The following XRCC4 variants were observed in gnomAD, a reference collection of about 807,000 sequenced individuals.
The protein encoded by XRCC4 is X-ray repair cross complementing 4, also known as DNA repair protein XRCC4.
XRCC4 carries 28 observed loss-of-function variants against 39.1 expected under a neutral mutation model. The ratio of observed to expected loss-of-function variants is 0.72; its 90% CI spans 0.53 to 0.98. The LOEUF (loss-of-function observed/expected upper bound fraction) is 0.98. XRCC4 is among the 50% of genes least tolerant of loss of function. The pLI is 0.00. For synonymous variants in XRCC4, 123 were observed against 126.4 expected, an observed-to-expected ratio of 0.97 and a Z score of 0.18; for missense variants, 350 against 376.4, an observed-to-expected ratio of 0.93 and a Z score of 0.58.
chr5:83,287,670 T>G (rs776881131), intron 7 of XRCC4, among the ~76,000 whole-genome samples: 2 of 151,942 alleles, frequency 1.3e-5, no homozygotes, highest in African/African-American at 2.4e-5. Context: ...CGAAAATGTG[T>G]AATTTTTTTT....
Position 83,161,259 on chromosome 5 carries a change from C to G in XRCC4, c.316-34511C>G, listed in dbSNP as rs539629724. 2.6e-5 allele frequency among the ~76,000 whole-genome samples: 4 copies of G among 152,042 alleles called. No individual in the cohort carries two copies. The East Asian group carries it at 7.8e-4, about 29-fold the overall frequency. ...CCAAGTAGCTGGGATTATGGGCACC[C>G]ACCACCACACTTGGCTAAATGCTTT... On this transcript the variant is annotated intron_variant, in intron 3 of 7. Coordinates refer to ENST00000396027, the MANE Select transcript of XRCC4 (RefSeq NM_003401.5).
At chr5:83,192,730 C>T (rs1457432747) in intron 3 of XRCC4, among the ~76,000 whole-genome samples, 1 of 152,124 alleles carries the variant, frequency 6.6e-6, no homozygotes, top group African/African-American at 2.4e-5. Flanking sequence ...TCTGTGTACT[C>T]TTAATTATTA....
chr5:83,304,830 T>C (rs1755422419), intron 7 of XRCC4, among the ~76,000 whole-genome samples: 2 of 152,234 alleles, frequency 1.3e-5, no homozygotes, highest in South Asian at 4.1e-4. Context: ...AATTGGCTAG[T>C]ATATCTACCT....
intron 3 of XRCC4, among the ~76,000 whole-genome samples, chr5:83,147,507 A>G (rs1181066869): frequency 1.3e-5 from 2 of 152,106 alleles, no homozygotes; most frequent in African/African-American, 4.8e-5. Context: ...AAAAAGTTGA[A>G]CTCATGGAAG....
intron 6 of XRCC4, among the ~76,000 whole-genome samples, chr5:83,209,860 C>A (rs77757038): frequency 0.02 from 3,116 of 152,072 alleles, 87 homozygotes; most frequent in African/African-American, 0.069. Context: ...CCACTAAAAA[C>A]AAATATAATA....
At chr5:83,197,504 A>G (rs1165899855) in intron 4 of XRCC4, among the ~76,000 whole-genome samples, 1 of 152,164 alleles carries the variant, frequency 6.6e-6, no homozygotes, top group African/African-American at 2.4e-5. Flanking sequence ...AAGAGGTATT[A>G]TCTCATCAGT....
chr5:83,218,913 A>G (rs993423964), intron 6 of XRCC4, among the ~76,000 whole-genome samples: 9 of 150,800 alleles, frequency 6.0e-5, no homozygotes, highest in African/African-American at 1.0e-4. Context: ...TGAATATGTT[A>G]GTTTGCCAGG....
At chr5:83,084,467 G>A (rs1222428511) in intron 1 of XRCC4, among the ~76,000 whole-genome samples, 1 of 152,162 alleles carries the variant, frequency 6.6e-6, no homozygotes, top group East Asian at 1.9e-4. Context: ...TGAGATTTGT[G>A]TTGCCAAAAA....
chr5:83,271,548 C>T (rs1452551717), intron 7 of XRCC4, among the ~76,000 whole-genome samples: 1 of 152,086 alleles, frequency 6.6e-6, no homozygotes, highest in Non-Finnish European at 1.5e-5. Flanking sequence ...AGACATATTA[C>T]TTTAAATGAA....
chr5:83,214,324 T>G (rs1302142252), intron 6 of XRCC4, among the ~76,000 whole-genome samples: 5 of 152,200 alleles, frequency 3.3e-5, no homozygotes, highest in African/African-American at 4.8e-5. Context: ...TAAAAAACTC[T>G]TAGAGCTAAT....
chr5:83,245,755 G>T (rs1753076414), intron 6 of XRCC4, among the ~76,000 whole-genome samples: 1 of 152,000 alleles, frequency 6.6e-6, no homozygotes, highest in African/African-American at 2.4e-5. Context: ...GATCAGGGAA[G>T]ATAATACAGA....
At chr5:83,270,757 TCGAAAAAAAAAATATATACATATA>T (rs1409916857) in intron 7 of XRCC4, among the ~76,000 whole-genome samples, 3 of 142,318 alleles carry the variant, frequency 2.1e-5, no homozygotes, top group Non-Finnish European at 3.0e-5. Flanking sequence ...ATTCATTTTT[TCGAAAAAAAAAATATATACATATA>T]TATATGTATA....
At chr5:83,306,245 A>C (rs529908975) in intron 7 of XRCC4, among the ~76,000 whole-genome samples, 5 of 152,208 alleles carry the variant, frequency 3.3e-5, no homozygotes, top group Admixed American at 6.5e-5. Flanking sequence ...ACAGATATAC[A>C]TACATATTCA....
intron 3 of XRCC4, among the ~76,000 whole-genome samples, chr5:83,116,231 T>G (rs773123525): frequency 3.9e-5 from 6 of 152,172 alleles, no homozygotes; most frequent in Non-Finnish European, 7.4e-5. Context: ...AAAAATGACC[T>G]CCTAAACTTA....
At chr5:83,241,607 A>C (rs1246331100) in intron 6 of XRCC4, among the ~76,000 whole-genome samples, 1 of 152,162 alleles carries the variant, frequency 6.6e-6, no homozygotes, top group Non-Finnish European at 1.5e-5. Flanking sequence ...CTTTCAACCA[A>C]GTACAGTTGA....
intron 7 of XRCC4, among the ~76,000 whole-genome samples, chr5:83,320,647 A>G (rs1756036826): frequency 6.6e-6 from 1 of 151,958 alleles, no homozygotes. Flanking sequence ...GAAATTGCAC[A>G]GCCACTTAAT....
intron 7 of XRCC4, among the ~76,000 whole-genome samples, chr5:83,305,885 T>A (rs1038863637): frequency 6.6e-6 from 1 of 152,086 alleles, no homozygotes; most frequent in Non-Finnish European, 1.5e-5. Context: ...ACGAAAAATA[T>A]CCATGGAATT....
At chr5:83,246,316 C>T (rs1185432987) in intron 6 of XRCC4, among the ~76,000 whole-genome samples, 1 of 152,036 alleles carries the variant, frequency 6.6e-6, no homozygotes, top group Non-Finnish European at 1.5e-5. Context: ...TTGTACAAGA[C>T]TAGAATATTC....
At chr5:83,248,311 C>T (rs1411504653) in intron 6 of XRCC4, among the ~76,000 whole-genome samples, 1 of 152,104 alleles carries the variant, frequency 6.6e-6, no homozygotes, top group Non-Finnish European at 1.5e-5. Context: ...CTGACTTGAT[C>T]AGACTTGCAT....
Sources: gnomAD v4.1 joint callset for allele counts (sites outside exome capture counted in the v4.1 genomes callset) on GRCh38, gnomAD v4.1.1 for gene constraint, MANE v1.5 for transcripts, NCBI Gene and HGNC (gene_info 2026-07-23, HGNC 2026-07-21) for gene names.